The following ACVR1 variants were observed in gnomAD, a reference collection of about 807,000 sequenced individuals.
ACVR1 encodes the protein activin A receptor type 1, also known as activin receptor type-1.
ACVR1 carries 38 observed loss-of-function variants against 57.1 expected under a neutral mutation model. That is an observed-to-expected ratio of 0.67 (90% CI 0.51 to 0.87). The LOEUF is 0.87. ACVR1 is among the 40% of genes least tolerant of loss of function. The pLI is 0.00. For missense variants in ACVR1, 463 were observed against 638.2 expected, an observed-to-expected ratio of 0.73 and a Z score of 2.96; for synonymous variants, 212 against 228.1, an observed-to-expected ratio of 0.93 and a Z score of 0.63.
intron 1 of ACVR1, among the ~76,000 whole-genome samples, chr2:157,858,833 GATTTC>G (rs1301918798): frequency 1.3e-5 from 2 of 151,992 alleles, no homozygotes; most frequent in Non-Finnish European, 2.9e-5. Context: ...TGCCCAGGCT[GATTTC>G]CTACTCCTGG....
intron 9 of ACVR1, among the ~76,000 whole-genome samples, chr2:157,756,919 G>A (rs1209213489): frequency 6.7e-6 from 1 of 149,780 alleles, no homozygotes; most frequent in East Asian, 1.9e-4. Context: ...GAATCAACAA[G>A]TGGATAAGAA....
chr2:157,828,860 G>A (rs900279951), intron 1 of ACVR1, among the ~76,000 whole-genome samples: 35 of 152,010 alleles, frequency 2.3e-4, no homozygotes, highest in Non-Finnish European at 1.2e-4. Context: ...TCTGCCTCCC[G>A]GGCTCAAGCG....
In ACVR1 at chr2:157,837,927, A is replaced by T. The variant is rs113218215; in HGVS notation, c.-182-19368T>A. On this transcript the variant is annotated intron_variant, in intron 1 of 10. Coordinates refer to ENST00000434821, the MANE Select transcript of ACVR1 (RefSeq NM_001111067.4). The stretch of plus-strand genomic sequence containing the variant: ...GCAGCTGTTGTCTCCTGCAGTTGGC[A>T]CGAAGCGTTGCCAGTCTGGGACCGG... 2.2e-3 allele frequency among the ~76,000 whole-genome samples: 337 copies of T among 152,292 alleles called. 5 individuals are homozygous for T. The East Asian group carries it at 0.029, about 13-fold the overall frequency.
At chr2:157,758,228 A>G (rs1004088734) in intron 9 of ACVR1, among the ~76,000 whole-genome samples, 2 of 152,018 alleles carry the variant, frequency 1.3e-5, no homozygotes, top group Non-Finnish European at 2.9e-5. Context: ...CTGTAAAAAG[A>G]GACCACAAAA....
At chr2:157,860,682 T>A (rs559892686) in intron 1 of ACVR1, among the ~76,000 whole-genome samples, 1 of 152,312 alleles carries the variant, frequency 6.6e-6, no homozygotes, top group East Asian at 1.9e-4. Context: ...GATGCTGCTC[T>A]ACATATACTT....
intron 1 of ACVR1, among the ~76,000 whole-genome samples, chr2:157,845,691 G>C (rs538688942): frequency 1.3e-5 from 2 of 152,130 alleles, no homozygotes; most frequent in African/African-American, 4.8e-5. Context: ...GGAAAAGTCA[G>C]AGCAAGCAAA....
chr2:157,792,581 G>C (rs1025545678), intron 3 of ACVR1, among the ~76,000 whole-genome samples: 1 of 152,234 alleles, frequency 6.6e-6, no homozygotes, highest in African/African-American at 2.4e-5. Context: ...CACCTGCACA[G>C]TGAACCCTTG....
chr2:157,807,306 A>G (rs1687582748), intron 2 of ACVR1, among the ~76,000 whole-genome samples: 1 of 152,228 alleles, frequency 6.6e-6, no homozygotes, highest in Non-Finnish European at 1.5e-5. Context: ...TACCTACACT[A>G]AATTTCTGAG....
At chr2:157,846,904 G>A (rs1270833788) in intron 1 of ACVR1, among the ~76,000 whole-genome samples, 4 of 152,286 alleles carry the variant, frequency 2.6e-5, no homozygotes, top group Middle Eastern at 6.8e-3. Flanking sequence ...CATAACATGT[G>A]CTATTCTAGG....
intron 1 of ACVR1, among the ~76,000 whole-genome samples, chr2:157,863,342 T>C (rs1158628596): frequency 7.6e-5 from 8 of 105,558 alleles, no homozygotes; most frequent in African/African-American, 1.1e-4. Context: ...TTCTCTTTTT[T>C]TTTTTTTTTT....
rs117177410 is a variant in ACVR1, at chr2:157,753,261, G to A, written c.1264+7619C>T. Among the ~76,000 whole-genome samples, 395 of 152,328 alleles carry A rather than the reference G, an allele frequency of 2.6e-3. 7 individuals are homozygous for A. The East Asian group carries it at 0.033, about 13-fold the overall frequency. ...AAAGGCCTTGACAGCCGGGTGTGGT[G>A]GTTCACGCCTGTAATCCCAACACTT... On this transcript the variant is annotated intron_variant, in intron 9 of 10. Transcript: ENST00000434821.
intron 1 of ACVR1, among the ~76,000 whole-genome samples, chr2:157,831,909 T>C (rs1688591286): frequency 6.6e-6 from 1 of 152,236 alleles, no homozygotes; most frequent in African/African-American, 2.4e-5. Flanking sequence ...TAGTACATTA[T>C]AAAAGGGTGA....
At chr2:157,861,585 G>A (rs1468597451) in intron 1 of ACVR1, among the ~76,000 whole-genome samples, 2 of 152,124 alleles carry the variant, frequency 1.3e-5, no homozygotes, top group African/African-American at 2.4e-5. Flanking sequence ...ACATTTAACA[G>A]ACTAAAAATC....
chr2:157,832,825 C>A (rs532156566), intron 1 of ACVR1, among the ~76,000 whole-genome samples: 1 of 152,288 alleles, frequency 6.6e-6, no homozygotes, highest in East Asian at 1.9e-4. Flanking sequence ...GATTAATTTA[C>A]ATAAGCACAG....
chr2:157,863,712 AAG>A (rs751028150), intron 1 of ACVR1, among the ~76,000 whole-genome samples: 21 of 151,896 alleles, frequency 1.4e-4, no homozygotes, highest in Middle Eastern at 6.8e-3. Flanking sequence ...AAAAAATAAA[AAG>A]AGAGAGAGAA....
intron 5 of ACVR1, among the ~76,000 whole-genome samples, chr2:157,777,785 T>G (rs1369986135): frequency 1.3e-5 from 2 of 152,194 alleles, no homozygotes; most frequent in Non-Finnish European, 2.9e-5. Flanking sequence ...AAGGAGCACT[T>G]TTATGGCTAA....
intron 3 of ACVR1, among the ~76,000 whole-genome samples, chr2:157,795,802 C>T (rs1424311938): frequency 6.6e-6 from 1 of 152,132 alleles, no homozygotes; most frequent in Non-Finnish European, 1.5e-5. Context: ...TTCCGCCCCA[C>T]TCTTTTCCCC....
chr2:157,790,665 T>C (rs574182537), intron 3 of ACVR1, among the ~76,000 whole-genome samples: 6 of 152,352 alleles, frequency 3.9e-5, no homozygotes, highest in Admixed American at 3.3e-4. Context: ...GCTTTGTTTT[T>C]GTTTTGTTTG....
At chr2:157,843,725 A>G (rs1265276545) in intron 1 of ACVR1, among the ~76,000 whole-genome samples, 1 of 152,194 alleles carries the variant, frequency 6.6e-6, no homozygotes, top group Admixed American at 6.5e-5. Flanking sequence ...GCAATAGAAT[A>G]CTGGCACTGT....
Sources: allele counts gnomAD v4.1 joint callset (sites outside exome capture counted in the v4.1 genomes callset), GRCh38; gene constraint gnomAD v4.1.1; transcripts MANE v1.5; gene names NCBI Gene and HGNC (gene_info 2026-07-23, HGNC 2026-07-21).